Variants in DPP6 observed in about 807,000 individuals in gnomAD.
DPP6 encodes the protein dipeptidyl peptidase like 6, also known as A-type potassium channel modulatory protein DPP6.
DPP6 carries 69 observed loss-of-function variants against 122.6 expected under a neutral mutation model. That is an observed-to-expected ratio of 0.56 (90% CI 0.46 to 0.69). The LOEUF (loss-of-function observed/expected upper bound fraction) is 0.69, where lower values mean the gene tolerates loss of function less well. Among genes scored for constraint, DPP6 ranks in the 30% least tolerant of loss-of-function variants. DPP6 has a pLI of 0.00. For synonymous variants in DPP6, 418 were observed against 433.1 expected (o/e 0.97, Z 0.43); for missense variants, 928 against 1,116.9 (o/e 0.83, Z 2.41).
chr7:154,096,998 G>A (rs1353465238), intron 1 of DPP6, among the ~76,000 whole-genome samples: 3 of 152,334 alleles, frequency 2.0e-5, no homozygotes, highest in South Asian at 2.1e-4. Flanking sequence ...GGTATTCACC[G>A]TGTGCTCCCC....
At chr7:154,794,692 A>G (rs1797911136) in intron 11 of DPP6, among the ~76,000 whole-genome samples, 2 of 152,196 alleles carry the variant, frequency 1.3e-5, no homozygotes, top group Admixed American at 1.3e-4. Flanking sequence ...AGAGAAGGTA[A>G]ACGTAGGGGA....
At chr7:154,404,359 A>C (rs1815891458) in intron 1 of DPP6, among the ~76,000 whole-genome samples, 1 of 152,260 alleles carries the variant, frequency 6.6e-6, no homozygotes, top group African/African-American at 2.4e-5. Context: ...AAGAAATCAT[A>C]AAAGAAAGAT....
At chr7:153,868,721 C>T in the DPP6 span, among the ~76,000 whole-genome samples, 1 of 152,126 alleles carries the variant, frequency 6.6e-6, no homozygotes, top group African/African-American at 2.4e-5. Flanking sequence ...TCTTGCTTCT[C>T]TAGTTCTTTT....
chr7:153,833,111 AGT>A, the DPP6 span, among the ~76,000 whole-genome samples: 1 of 152,304 alleles, frequency 6.6e-6, no homozygotes, highest in East Asian at 1.9e-4. Flanking sequence ...GAGGCCTGGC[AGT>A]TTTCATGGCA....
At chr7:154,703,354 C>T (rs944279376) in intron 7 of DPP6, among the ~76,000 whole-genome samples, 12 of 152,208 alleles carry the variant, frequency 7.9e-5, no homozygotes, top group Non-Finnish European at 1.3e-4. Context: ...CATGGCGGCT[C>T]ATGCCTGTAA....
At chr7:154,392,154 T>C (rs907440931) in intron 1 of DPP6, among the ~76,000 whole-genome samples, 8 of 152,056 alleles carry the variant, frequency 5.3e-5, no homozygotes, top group Admixed American at 5.2e-4. Context: ...ACACCTGTAA[T>C]TTCAGCTACT....
intron 1 of DPP6, among the ~76,000 whole-genome samples, chr7:154,140,593 T>G (rs1015457804): frequency 6.6e-6 from 1 of 152,180 alleles, no homozygotes; most frequent in Non-Finnish European, 1.5e-5. Flanking sequence ...ACTGCTGGGA[T>G]TACAGGCGTG....
intron 1 of DPP6, among the ~76,000 whole-genome samples, chr7:154,083,833 G>T (rs2150533927): frequency 6.6e-6 from 1 of 151,440 alleles, no homozygotes; most frequent in African/African-American, 2.4e-5. Flanking sequence ...ATTAAGACAG[G>T]CATGGATATT....
chr7:153,877,660 G>A, the DPP6 span, among the ~76,000 whole-genome samples: 57 of 152,230 alleles, frequency 3.7e-4, 1 homozygote, highest in East Asian at 0.011. Context: ...AAAATAGTAC[G>A]TATGACCAAT....
the DPP6 span, among the ~76,000 whole-genome samples, chr7:153,854,341 G>A: frequency 6.6e-6 from 1 of 152,074 alleles, no homozygotes; most frequent in East Asian, 1.9e-4. Context: ...CTACTCATCT[G>A]ACAAAGGGCT....
intron 22 of DPP6, among the ~76,000 whole-genome samples, chr7:154,886,792 CGCCCAGCAAGGCAGGGACCACGGTGG>C (rs1563329032): frequency 6.6e-6 from 1 of 152,158 alleles, no homozygotes; most frequent in Non-Finnish European, 1.5e-5. Flanking sequence ...CTGTAGACAC[CGCCCAGCAAGGCAGGGACCACGGTGG>C]GCCCAGCAGC....
intron 1 of DPP6, among the ~76,000 whole-genome samples, chr7:154,412,873 C>T (rs1491839): frequency 0.55 from 83,191 of 152,068 alleles, 26,245 homozygotes; most frequent in Non-Finnish European, 0.69. Context: ...GTGTTCTGGG[C>T]GTGCTTTTTG....
intron 1 of DPP6, among the ~76,000 whole-genome samples, chr7:154,151,069 G>T (rs2150685458): frequency 6.6e-6 from 1 of 152,346 alleles, no homozygotes; most frequent in African/African-American, 2.4e-5. Flanking sequence ...GACTACCATT[G>T]TCCGTGCATA....
chr7:153,859,723 T>TTATAAA, the DPP6 span, among the ~76,000 whole-genome samples: 372 of 152,292 alleles, frequency 2.4e-3, no homozygotes, highest in Non-Finnish European at 3.6e-3. Context: ...GAGGTTTAAT[T>TTATAAA]GACTCACAGT....
At chr7:154,237,473 C>A (rs1256376765) in intron 1 of DPP6, among the ~76,000 whole-genome samples, 1 of 152,118 alleles carries the variant, frequency 6.6e-6, no homozygotes, top group Non-Finnish European at 1.5e-5. Flanking sequence ...CATCTGGGCC[C>A]CAATGAGCTT....
At chr7:154,237,168 C>T (rs1487659605) in intron 1 of DPP6, among the ~76,000 whole-genome samples, 1 of 152,184 alleles carries the variant, frequency 6.6e-6, no homozygotes, top group Admixed American at 6.5e-5. Flanking sequence ...AGAGGAGGGG[C>T]AGAGTTTAGG....
chr7:154,557,619 A>C (rs570627920), intron 4 of DPP6, among the ~76,000 whole-genome samples: 168 of 152,290 alleles, frequency 1.1e-3, no homozygotes, highest in African/African-American at 3.8e-3. Flanking sequence ...CCCTCCTAAC[A>C]TAAACAACTA....
intron 1 of DPP6, among the ~76,000 whole-genome samples, chr7:154,132,255 A>C (rs185697552): frequency 6.6e-6 from 1 of 152,182 alleles, no homozygotes; most frequent in South Asian, 2.1e-4. Context: ...TGATCTGACT[A>C]TGTATTTCCC....
intron 3 of DPP6, among the ~76,000 whole-genome samples, chr7:154,494,447 G>A (rs1389334933): frequency 1.3e-5 from 2 of 149,590 alleles, no homozygotes; most frequent in Non-Finnish European, 3.0e-5. Context: ...TCACTTGTAA[G>A]CCTCAGTAGT....
Sources: allele counts gnomAD v4.1 joint callset (sites outside exome capture counted in the v4.1 genomes callset), GRCh38; gene constraint gnomAD v4.1.1; transcripts MANE v1.5; gene names NCBI Gene and HGNC (gene_info 2026-07-23, HGNC 2026-07-21).